TANGO6: variants seen among roughly 807,000 people sequenced by gnomAD.
The protein encoded by TANGO6 is transport and golgi organization 6 homolog.
A neutral mutation model predicts 114.2 loss-of-function variants in TANGO6; 90 were observed. The observed-to-expected ratio is 0.79, with a 90% CI of 0.66 to 0.94. The LOEUF is 0.94. Among genes scored for constraint, TANGO6 ranks in the 40% least tolerant of loss-of-function variants. The pLI, the probability that TANGO6 is intolerant of heterozygous loss-of-function variation, is 0.00. For synonymous variants in TANGO6, 477 were observed against 509.8 expected (o/e 0.94, Z 0.87); for missense variants, 1,274 against 1,315.3 (o/e 0.97, Z 0.49).
At chr16:68,956,974 T>A (rs1171392249) in intron 14 of TANGO6, among the ~76,000 whole-genome samples, 1 of 152,178 alleles carries the variant, frequency 6.6e-6, no homozygotes, top group African/African-American at 2.4e-5. Context: ...GAATTAGAAT[T>A]TAAAATGTTT....
intron 7 of TANGO6, 79 bp downstream of exon 7, chr16:68,880,709 A>G: frequency 9.7e-7 from 1 of 1,030,572 alleles, no homozygotes; most frequent in East Asian, 3.0e-5. Flanking sequence ...TTTTGTAGAG[A>G]TGGTGGGGTC....
At chr16:68,933,631 A>G (rs528124044) in intron 14 of TANGO6, among the ~76,000 whole-genome samples, 1 of 152,318 alleles carries the variant, frequency 6.6e-6, no homozygotes, top group South Asian at 2.1e-4. Flanking sequence ...TGTTCTGCTC[A>G]TGGTGAGAAC....
intron 11 of TANGO6, among the ~76,000 whole-genome samples, chr16:68,914,940 A>T (rs1368916587): frequency 1.4e-5 from 2 of 147,934 alleles, no homozygotes; most frequent in East Asian, 3.9e-4. Flanking sequence ...ATAGGATCAT[A>T]CTACTTGTTT....
At chr16:69,042,940 T>C (rs1004064888) in intron 17 of TANGO6, among the ~76,000 whole-genome samples, 1 of 152,184 alleles carries the variant, frequency 6.6e-6, no homozygotes, top group Non-Finnish European at 1.5e-5. Context: ...AAAATACAAG[T>C]TGGTCGGGTG....
intron 7 of TANGO6, among the ~76,000 whole-genome samples, chr16:68,894,037 A>G (rs1170707818): frequency 1.3e-5 from 2 of 152,202 alleles, no homozygotes; most frequent in African/African-American, 4.8e-5. Flanking sequence ...TACTGTCACC[A>G]GTCCAATGTG....
At chr16:68,956,970 GA>G (rs1963535904) in intron 14 of TANGO6, among the ~76,000 whole-genome samples, 1 of 152,160 alleles carries the variant, frequency 6.6e-6, no homozygotes, top group African/African-American at 2.4e-5. Context: ...CAGGGAATTA[GA>G]ATTTAAAATG....
intron 12 of TANGO6, among the ~76,000 whole-genome samples, chr16:68,923,475 T>C (rs1963124438): frequency 6.6e-6 from 1 of 152,178 alleles, no homozygotes; most frequent in Non-Finnish European, 1.5e-5. Flanking sequence ...TGTTGCATGC[T>C]GGTGAGGCGA....
At chr16:68,965,544 G>A (rs1963637034) in intron 14 of TANGO6, among the ~76,000 whole-genome samples, 2 of 152,186 alleles carry the variant, frequency 1.3e-5, no homozygotes, top group South Asian at 4.1e-4. Context: ...GCTCACGCCT[G>A]TAATCCCAGC....
chr16:69,002,332 T>C (rs1227905687), intron 15 of TANGO6, among the ~76,000 whole-genome samples: 1 of 152,136 alleles, frequency 6.6e-6, no homozygotes, highest in Non-Finnish European at 1.5e-5. Flanking sequence ...TTGGGTGATA[T>C]GGTTTGGCTC....
intron 7 of TANGO6, among the ~76,000 whole-genome samples, chr16:68,890,529 A>T (rs1417599783): frequency 1.3e-5 from 2 of 152,190 alleles, no homozygotes; most frequent in East Asian, 1.9e-4. Flanking sequence ...TCTTTCAGCT[A>T]CTCTGCAGTA....
intron 15 of TANGO6, among the ~76,000 whole-genome samples, chr16:68,985,944 G>T (rs1426485096): frequency 6.6e-6 from 1 of 152,060 alleles, no homozygotes; most frequent in Non-Finnish European, 1.5e-5. Context: ...TCCAAAATGT[G>T]CAGCTTTGCT....
chr16:68,927,889 C>T lies in TANGO6; in HGVS notation c.2449C>T (p.Pro817Ser). ...TGLQSNAPII[P>S]QGVNEPSTTT... ...CCTGCAGTCAAATGCTCCAATCATTCCTCAAGGAGTCAATGAGCCCAGCAC... is the reference window on the plus strand; with the variant it reads ...CCTGCAGTCAAATGCTCCAATCATTTCTCAAGGAGTCAATGAGCCCAGCAC... The change falls in exon 13 of 18, where the codon CCT (proline) becomes TCT (serine). Residue 817 changes from proline to serine, a missense_variant. This residue lies in a region of TANGO6 where 908 missense variants were observed against 910.2 expected (regional missense o/e 1.00). Coordinates refer to ENST00000261778, the MANE Select transcript of TANGO6 (RefSeq NM_024562.2). 1 of 1,613,932 alleles carries T rather than the reference C, an allele frequency of 6.2e-7. No homozygotes were observed. Among genetic ancestry groups the T allele is most frequent in the Non-Finnish European group, 8.5e-7 (1 of 1,179,842 alleles).
At chr16:69,071,857 C>A (rs966629243) in intron 17 of TANGO6, among the ~76,000 whole-genome samples, 1 of 152,328 alleles carries the variant, frequency 6.6e-6, no homozygotes, top group Non-Finnish European at 1.5e-5. Flanking sequence ...ACCTGTGTGC[C>A]CAAGGCAGTC....
chr16:68,887,176 C>G (rs1363200689), intron 7 of TANGO6, among the ~76,000 whole-genome samples: 1 of 152,206 alleles, frequency 6.6e-6, no homozygotes, highest in Admixed American at 6.5e-5. Context: ...CAACCTGTTC[C>G]CATCTTAGTC....
chr16:68,948,697 T>G (rs532089330), intron 14 of TANGO6, among the ~76,000 whole-genome samples: 2 of 152,220 alleles, frequency 1.3e-5, no homozygotes, highest in Non-Finnish European at 2.9e-5. Flanking sequence ...GTTTTATTTT[T>G]GCTAACATGG....
chr16:69,053,049 A>G (rs547173040), intron 17 of TANGO6, among the ~76,000 whole-genome samples: 1 of 152,268 alleles, frequency 6.6e-6, no homozygotes, highest in Admixed American at 6.5e-5. Flanking sequence ...CAGAGGTTGC[A>G]ATGAGCCGAG....
intron 16 of TANGO6, among the ~76,000 whole-genome samples, chr16:69,025,138 C>T (rs1020320768): frequency 1.3e-5 from 2 of 152,226 alleles, no homozygotes; most frequent in Non-Finnish European, 1.5e-5. Flanking sequence ...TGGGAATGCC[C>T]GACCCTGGCC....
At chr16:69,067,103 C>G (rs904438376) in intron 17 of TANGO6, among the ~76,000 whole-genome samples, 3 of 152,310 alleles carry the variant, frequency 2.0e-5, no homozygotes. Context: ...TGCTGTGTTG[C>G]TCAGGCTGGC....
chr16:68,953,859 G>A (rs1963498610), intron 14 of TANGO6, among the ~76,000 whole-genome samples: 1 of 152,128 alleles, frequency 6.6e-6, no homozygotes. Flanking sequence ...CACTAAACAT[G>A]TTTTAGGGAC....
Sources: allele counts gnomAD v4.1 joint callset (sites outside exome capture counted in the v4.1 genomes callset), GRCh38; gene constraint gnomAD v4.1.1; regional missense constraint gnomAD v4.1.1; transcripts MANE v1.5; gene names NCBI Gene and HGNC (gene_info 2026-07-23, HGNC 2026-07-21).